The following DENND2B variants were observed in gnomAD, a reference collection of about 807,000 sequenced individuals.
DENND2B encodes DENN domain-containing protein 2B.
Under a neutral mutation model 116.0 loss-of-function variants are expected in DENND2B, and 32 were observed. The ratio of observed to expected loss-of-function variants is 0.28; its 90% CI spans 0.21 to 0.37. The LOEUF is 0.37. Among genes scored for constraint, DENND2B ranks in the 10% least tolerant of loss-of-function variants. The pLI is 1.00. For missense variants in DENND2B, 1,276 were observed against 1,477.7 expected, an observed-to-expected ratio of 0.86 and a Z score of 2.24; for synonymous variants, 588 against 583.9, an observed-to-expected ratio of 1.01 and a Z score of -0.10.
At chr11:8,740,844 G>A (rs1191764107) in intron 2 of DENND2B, among the ~76,000 whole-genome samples, 1 of 152,190 alleles carries the variant, frequency 6.6e-6, no homozygotes, top group Admixed American at 6.5e-5. Flanking sequence ...CCCAATTCTG[G>A]GGATGGCATT....
At chr11:8,794,313 A>C (rs2059631470) in intron 1 of DENND2B, among the ~76,000 whole-genome samples, 1 of 152,180 alleles carries the variant, frequency 6.6e-6, no homozygotes, top group African/African-American at 2.4e-5. Context: ...TCACCTCTCA[A>C]CTCCCAGGCA....
chr11:8,855,450 A>G (rs114680229), intron 3 of DENND2B, among the ~76,000 whole-genome samples: 295 of 151,218 alleles, frequency 2.0e-3, no homozygotes, highest in African/African-American at 5.3e-3. Context: ...AAATTTTCCC[A>G]TCATCTAGAG....
chr11:8,876,737 G>A (rs1412693654), intron 2 of DENND2B, among the ~76,000 whole-genome samples: 6 of 152,088 alleles, frequency 3.9e-5, no homozygotes, highest in Admixed American at 3.9e-4. Context: ...AATTAGCCAA[G>A]CATGGTAGCG....
chr11:8,697,549 C>G lies in DENND2B; in HGVS notation c.3028G>C (p.Asp1010His). ...CCATCGTCGGAGTCGCTGTCAGAGT[C>G]CTGGGAGATCAGCTCATTCTTCCTC... ...LERKNELISQ[D>H]SDSDSDDECN... The change falls in exon 17 of 20, where the codon GAC (aspartate) becomes CAC (histidine). Residue 1010 changes from aspartate to histidine, a missense_variant. Transcript: ENST00000313726. The G allele has an allele frequency of 6.2e-7, 1 of 1,614,162 alleles. No individual in the cohort carries two copies. Among genetic ancestry groups the G allele is most frequent in the South Asian group, 1.1e-5 (1 of 91,084 alleles).
At position 8,806,638 on chromosome 11, in the gene DENND2B, A is replaced by ACACACACC. The variant is rs1017645452; in HGVS notation, c.-26+3878_-26+3879insGGTGTGTG. Among the ~76,000 whole-genome samples the ACACACACC allele has an allele frequency of 6.0e-3, 902 of 150,992 alleles. 5 individuals carry two copies. The highest frequency in any genetic ancestry group is 0.024 in the Middle Eastern group (7 of 292). On this transcript the variant is annotated intron_variant, in intron 1 of 19. Coordinates refer to ENST00000313726, the MANE Select transcript of DENND2B (RefSeq NM_213618.2). ...CACACACACACACACACACACACAC[A>ACACACACC]CCCAGGAGAGCTTTCTGGGGCCTAT...
In DENND2B at chr11:8,697,510, G is replaced by T; in HGVS notation, c.3052+15C>A. Reference sequence around the variant, plus strand: ...GCCTGGAGCAGAGCTGACCGTGCCCGGGCACTATTCTCACCATCGTCGGAG... The same window carrying T: ...GCCTGGAGCAGAGCTGACCGTGCCCTGGCACTATTCTCACCATCGTCGGAG... On this transcript the variant is annotated intron_variant, in intron 17 of 19. Coordinates refer to ENST00000313726, the MANE Select transcript of DENND2B (RefSeq NM_213618.2). 6.2e-7 allele frequency: 1 copy of T among 1,604,048 alleles called. No individual in the cohort carries two copies.
intron 3 of DENND2B, among the ~76,000 whole-genome samples, chr11:8,849,041 G>A (rs1044518438): frequency 2.0e-5 from 3 of 148,146 alleles, no homozygotes; most frequent in Admixed American, 1.4e-4. Flanking sequence ...AATTTCAATC[G>A]GGGTGGATGA....
chr11:8,797,849 C>A (rs180849700), intron 1 of DENND2B, among the ~76,000 whole-genome samples: 2 of 152,160 alleles, frequency 1.3e-5, no homozygotes, highest in Non-Finnish European at 2.9e-5. Context: ...CCATCCTCCA[C>A]CCCGACACCC....
At chr11:8,737,545 G>A (rs537527933) in intron 2 of DENND2B, among the ~76,000 whole-genome samples, 1 of 152,262 alleles carries the variant, frequency 6.6e-6, no homozygotes, top group African/African-American at 2.4e-5. Context: ...GAAAAGGGAG[G>A]AGAAGCAGTG....
At position 8,717,725 on chromosome 11, in the gene DENND2B, G is replaced by A. The variant is rs2045197385; in HGVS notation, c.1629+16C>T. ...CCTCACGCTAACCCTACAGGCCGATGTCAGGGCTGAGTTACCTGTGTGGGC... is the reference window on the plus strand; with the variant it reads ...CCTCACGCTAACCCTACAGGCCGATATCAGGGCTGAGTTACCTGTGTGGGC... On this transcript the variant is annotated intron_variant, in intron 5 of 19. Transcript: ENST00000313726. 1.3e-6 allele frequency: 2 copies of A among 1,538,624 alleles called. No homozygotes were observed. The highest frequency in any genetic ancestry group is 2.3e-5 in the East Asian group (1 of 43,322).
chr11:8,718,356 T>C lies in DENND2B; in HGVS notation c.1478-464A>G, dbSNP rs745348939. On this transcript the variant is annotated intron_variant, in intron 4 of 19. Coordinates refer to ENST00000313726, the MANE Select transcript of DENND2B (RefSeq NM_213618.2). ...CTCTCAGGGGATCTCCCTGGGGACCTACTTTGGAGGGTGGGCATGGAGGAA... is the reference window on the plus strand; with the variant it reads ...CTCTCAGGGGATCTCCCTGGGGACCCACTTTGGAGGGTGGGCATGGAGGAA... 9.1e-6 allele frequency: 14 copies of C among 1,535,180 alleles called. No individual in the cohort carries two copies. The South Asian group carries it at 1.5e-4, about 17-fold the overall frequency.
chr11:8,815,956 G>A (rs2061555556), intron 4 of DENND2B, among the ~76,000 whole-genome samples: 1 of 152,094 alleles, frequency 6.6e-6, no homozygotes. Context: ...TATGTAAATC[G>A]GATTTTGGAT....
At chr11:8,756,992 T>C in intron 1 of DENND2B, 1 of 455,490 alleles carries the variant, frequency 2.2e-6, no homozygotes, top group African/African-American at 2.0e-5. Context: ...TCTGACAAAT[T>C]ATAGACAACT....
At chr11:8,723,075 TG>T (rs1275211546) in intron 4 of DENND2B, among the ~76,000 whole-genome samples, 2 of 152,046 alleles carry the variant, frequency 1.3e-5, no homozygotes, top group Non-Finnish European at 2.9e-5. Context: ...GCAGCTCTGT[TG>T]CCCCACCCCC....
At chr11:8,780,119 C>A (rs539493589) in intron 1 of DENND2B, among the ~76,000 whole-genome samples, 1 of 152,310 alleles carries the variant, frequency 6.6e-6, no homozygotes, top group Admixed American at 6.5e-5. Flanking sequence ...TTTCCTCCTT[C>A]CATTCATACT....
At chr11:8,870,975 C>T (rs943708564) in exon 2 of DENND2B, 2 of 151,778 alleles carry the variant, frequency 1.3e-5, no homozygotes, top group African/African-American at 4.8e-5. Context: ...CCAGCCGGGC[C>T]GGGCGCGGCG....
At chr11:8,725,041 G>A (rs2046851084) in intron 4 of DENND2B, among the ~76,000 whole-genome samples, 1 of 152,228 alleles carries the variant, frequency 6.6e-6, no homozygotes, top group African/African-American at 2.4e-5. Flanking sequence ...TGTGCCATAA[G>A]TAATAAAGTC....
At chr11:8,844,656 T>C in intron 3 of DENND2B, among the ~76,000 whole-genome samples, 1 of 152,238 alleles carries the variant, frequency 6.6e-6, no homozygotes, top group Middle Eastern at 3.4e-3. Flanking sequence ...AATATATATA[T>C]TAGTATTATA....
intron 1 of DENND2B, among the ~76,000 whole-genome samples, chr11:8,752,005 C>T (rs771870232): frequency 2.0e-5 from 3 of 152,168 alleles, no homozygotes; most frequent in Non-Finnish European, 4.4e-5. Context: ...AAATGTGATC[C>T]AGTGAAGAGT....
Sources: allele counts gnomAD v4.1 joint callset (sites outside exome capture counted in the v4.1 genomes callset), GRCh38; gene constraint gnomAD v4.1.1; transcripts MANE v1.5; gene names NCBI Gene and HGNC (gene_info 2026-07-23, HGNC 2026-07-21).